The following CSNK1G1 variants were observed in gnomAD, a reference collection of about 807,000 sequenced individuals.
CSNK1G1 encodes the protein casein kinase 1 gamma 1.
In CSNK1G1, 22 loss-of-function variants were observed where a neutral mutation model predicts 59.6. That is an observed-to-expected ratio of 0.37 (90% confidence interval 0.26 to 0.53). The LOEUF is 0.53. Ranked by LOEUF, CSNK1G1 falls within the 20% of genes least tolerant of loss-of-function variation. CSNK1G1 has a pLI of 0.89. For missense variants in CSNK1G1, 384 were observed against 519.5 expected (o/e 0.74, Z 2.54); for synonymous variants, 179 against 177.1 (o/e 1.01, Z -0.08).
intron 4 of CSNK1G1, among the ~76,000 whole-genome samples, chr15:64,231,185 A>G (rs550269321): frequency 6.8e-6 from 1 of 148,144 alleles, no homozygotes; most frequent in Non-Finnish European, 1.5e-5. Context: ...AAATTAGTTG[A>G]GCGTGTGATG....
intron 1 of CSNK1G1, among the ~76,000 whole-genome samples, chr15:64,309,834 G>A (rs1398981471): frequency 6.6e-6 from 1 of 152,188 alleles, no homozygotes; most frequent in East Asian, 1.9e-4. Context: ...TTTTGGCCTG[G>A]TGTGGTGGCT....
intron 5 of CSNK1G1, among the ~76,000 whole-genome samples, chr15:64,215,482 G>C (rs2082300654): frequency 6.6e-6 from 1 of 152,108 alleles, no homozygotes; most frequent in Non-Finnish European, 1.5e-5. Flanking sequence ...AAAGTGCTGG[G>C]ATTACAGGCG....
Position 64,216,467 on chromosome 15 carries a change from G to T in CSNK1G1, c.444+95C>A. The T allele has an allele frequency of 8.1e-7, 1 of 1,240,822 alleles. No individual in the cohort carries two copies. The highest frequency in any genetic ancestry group is 1.4e-5 in the South Asian group (1 of 72,344). The allele number at this position is 1,240,822 out of a possible 1,614,324, so 76.9% of individuals were successfully genotyped here. The stretch of plus-strand genomic sequence containing the variant: ...ATCAAGCCTGTGAGTACTAATTCTT[G>T]ATGTGTTGCTACGGCTAGTAAATCA... On this transcript the variant is annotated intron_variant, in intron 5 of 11. Coordinates refer to ENST00000303052, the MANE Select transcript of CSNK1G1 (RefSeq NM_022048.5). The surrounding 1 kb of genome is among the most constrained non-coding windows in gnomAD (Gnocchi z 4.6).
chr15:64,266,173 C>T (rs1235372886), intron 2 of CSNK1G1, among the ~76,000 whole-genome samples: 1 of 152,112 alleles, frequency 6.6e-6, no homozygotes, highest in Non-Finnish European at 1.5e-5. Context: ...AGCAATTCTC[C>T]TGCCTCAGCC....
intron 6 of CSNK1G1, 150 bp downstream of exon 6, chr15:64,213,740 T>A: frequency 1.6e-6 from 1 of 631,928 alleles, no homozygotes. Flanking sequence ...AGTCATTAAC[T>A]TACCATCTCA....
intron 3 of CSNK1G1, among the ~76,000 whole-genome samples, chr15:64,253,401 T>G (rs1892195569): frequency 6.6e-6 from 1 of 152,174 alleles, no homozygotes; most frequent in Non-Finnish European, 1.5e-5. Context: ...GGATGGCTAT[T>G]ATCAAAAACA....
chr15:64,211,967 T>C (rs1292040692), intron 6 of CSNK1G1, among the ~76,000 whole-genome samples: 1 of 152,242 alleles, frequency 6.6e-6, no homozygotes, highest in Non-Finnish European at 1.5e-5. Flanking sequence ...AAGTTTATTA[T>C]TTAAGATACA....
At position 64,204,454 on chromosome 15, in the gene CSNK1G1, A is replaced by T; in HGVS notation, c.986T>A (p.Val329Asp). Residue 329 changes from valine to aspartate, a missense_variant, in exon 9 of 12, where the codon GTT (valine) becomes GAT (aspartate). Physicochemically the swap from Val to Asp is radical, Grantham distance 152 (BLOSUM62 -3). Coordinates refer to ENST00000303052, the MANE Select transcript of CSNK1G1 (RefSeq NM_022048.5). The part of the protein sequence containing the change: ...GYTFDYAYDW[V>D]GRPIPTPVGS... ...AAGGATACTTACAATAGGTCTCCCAACCCAATCATAGGCATAGTCAAAGGT... is the reference window on the plus strand; with the variant it reads ...AAGGATACTTACAATAGGTCTCCCATCCCAATCATAGGCATAGTCAAAGGT... 5 of 1,592,812 alleles carry T rather than the reference A, an allele frequency of 3.1e-6. No individual in the cohort carries two copies. Among genetic ancestry groups the T allele is most frequent in the Non-Finnish European group, 4.3e-6 (5 of 1,173,852 alleles).
intron 4 of CSNK1G1, among the ~76,000 whole-genome samples, chr15:64,223,359 A>G (rs2082415524): frequency 6.6e-6 from 1 of 152,254 alleles, no homozygotes; most frequent in African/African-American, 2.4e-5. Flanking sequence ...GGAGAAGGGC[A>G]GATCCTTAAG....
intron 3 of CSNK1G1, among the ~76,000 whole-genome samples, chr15:64,257,696 G>T (rs979416711): frequency 6.6e-6 from 1 of 151,976 alleles, no homozygotes; most frequent in African/African-American, 2.4e-5. Context: ...CTAATTTTTT[G>T]TATTTTTTGT....
In CSNK1G1 at chr15:64,301,511, C is replaced by CA. The variant is rs933964186; in HGVS notation, c.-224-789dup. Among the ~76,000 whole-genome samples, 84 of 143,476 alleles carry CA rather than the reference C, an allele frequency of 5.9e-4. 2 individuals are homozygous for CA. The highest frequency in any genetic ancestry group is 8.4e-4 in the African/African-American group (33 of 39,256). The allele number at this position is 143,476 out of a possible 152,430, so 94.1% of individuals were successfully genotyped here. Reference sequence around the variant, plus strand: ...TGATTATCCATGTGAGTATTCTTAACAAAAAAAAAAATACTGCTATCACCA... The same window carrying CA: ...TGATTATCCATGTGAGTATTCTTAACAAAAAAAAAAAATACTGCTATCACCA... On this transcript the variant is annotated intron_variant, in intron 1 of 11. Coordinates refer to ENST00000303052, the MANE Select transcript of CSNK1G1 (RefSeq NM_022048.5).
intron 1 of CSNK1G1, among the ~76,000 whole-genome samples, chr15:64,347,044 T>C (rs373923510): frequency 6.6e-6 from 1 of 151,896 alleles, no homozygotes; most frequent in Non-Finnish European, 1.5e-5. Context: ...ATGTCAAACA[T>C]ACAAAAAGAT....
chr15:64,189,156 A>C (rs556501239), intron 10 of CSNK1G1, among the ~76,000 whole-genome samples: 26 of 152,274 alleles, frequency 1.7e-4, no homozygotes, highest in Admixed American at 7.2e-4. Flanking sequence ...AACAAAAAAA[A>C]TAGCTACATC....
chr15:64,224,706 G>GTC (rs2082433598), intron 4 of CSNK1G1, among the ~76,000 whole-genome samples: 2 of 152,128 alleles, frequency 1.3e-5, no homozygotes, highest in Non-Finnish European at 2.9e-5. Flanking sequence ...CAATCATCTT[G>GTC]TTTAAAGGCC....
Position 64,229,518 on chromosome 15 carries a change from CTCTCTCTCTT to C in CSNK1G1, c.293-12815_293-12806del, listed in dbSNP as rs1350503701. 7.6e-3 allele frequency among the ~76,000 whole-genome samples: 1,130 copies of C among 149,266 alleles called. 11 individuals carry two copies. The highest frequency in any genetic ancestry group is 0.028 in the African/African-American group (1,089 of 39,420). Reference sequence around the variant, plus strand: ...AGAAGGAGGAGTATTCTCTCTCTTTCTCTCTCTCTTTCTCTCTCTCTCTCTCTCTCTCTCC... The same window carrying C: ...AGAAGGAGGAGTATTCTCTCTCTTTCTCTCTCTCTCTCTCTCTCTCTCTCC... On this transcript the variant is annotated intron_variant, in intron 4 of 11. Coordinates refer to ENST00000303052, the MANE Select transcript of CSNK1G1 (RefSeq NM_022048.5).
In CSNK1G1 at chr15:64,350,418, G is replaced by A. The variant is rs183329296; in HGVS notation, c.-225+5570C>T. Among the ~76,000 whole-genome samples the A allele has an allele frequency of 6.1e-4, 92 of 151,960 alleles. 1 individual carries two copies. In the East Asian group the frequency reaches 0.016, roughly 27 times the overall value. ...CCGGAGGCTGAGGCAGGAGAATGGC[G>A]TGAACCCGGGAGATGGAGCTTGCAG... On this transcript the variant is annotated intron_variant, in intron 1 of 11. Coordinates refer to ENST00000303052, the MANE Select transcript of CSNK1G1 (RefSeq NM_022048.5).
At chr15:64,180,506 C>G in intron 10 of CSNK1G1, 52 bp from the exon 11 acceptor site, 1 of 1,421,866 alleles carries the variant, frequency 7.0e-7, no homozygotes, top group Non-Finnish European at 9.9e-7. Context: ...ACAGAAATCT[C>G]TTGCCAGCGC....
chr15:64,174,693 G>C (rs1335578276), intron 11 of CSNK1G1, among the ~76,000 whole-genome samples: 2 of 152,282 alleles, frequency 1.3e-5, no homozygotes, highest in African/African-American at 4.8e-5. Flanking sequence ...TCTTACCCCA[G>C]GCCTCTGACC....
At chr15:64,215,252 G>T (rs1311004305) in intron 5 of CSNK1G1, among the ~76,000 whole-genome samples, 3 of 112,472 alleles carry the variant, frequency 2.7e-5, no homozygotes, top group African/African-American at 1.1e-4. Context: ...TTGCTCTGTC[G>T]CCCAGGCTGG....
Sources: gnomAD v4.1 joint callset for allele counts (sites outside exome capture counted in the v4.1 genomes callset) on GRCh38, gnomAD v4.1.1 for gene constraint, Gnocchi (gnomAD v3.1) non-coding constraint, MANE v1.5 for transcripts, NCBI Gene and HGNC (gene_info 2026-07-23, HGNC 2026-07-21) for gene names.